The following OR1J2 variants were observed in gnomAD, a reference collection of about 807,000 sequenced individuals.
The protein encoded by OR1J2 is olfactory receptor family 1 subfamily J member 2, also known as olfactory receptor 1J2.
For synonymous variants in OR1J2, 142 were observed against 99.7 expected (o/e 1.42, Z -2.52); for missense variants, 304 against 246.1 (o/e 1.24, Z -1.57).
chr9:122,496,906 T>C, the OR1J2 span, among the ~76,000 whole-genome samples: 1 of 152,138 alleles, frequency 6.6e-6, no homozygotes, highest in Non-Finnish European at 1.5e-5. Context: ...GCTTAGTGAT[T>C]TTGGGGCCAC....
At chr9:122,452,660 A>G in the OR1J2 span, among the ~76,000 whole-genome samples, 3,499 of 152,184 alleles carry the variant, frequency 0.023, 65 homozygotes, top group Non-Finnish European at 0.032. Context: ...ATGAAATCCC[A>G]TGGGGATTGG....
the OR1J2 span, among the ~76,000 whole-genome samples, chr9:122,462,610 G>A: frequency 6.6e-6 from 1 of 152,150 alleles, no homozygotes; most frequent in Non-Finnish European, 1.5e-5. Context: ...TTGTAGTGTT[G>A]GCTTGGTAGT....
the OR1J2 span, among the ~76,000 whole-genome samples, chr9:122,579,745 T>C: frequency 0.11 from 16,720 of 152,200 alleles, 1,113 homozygotes; most frequent in South Asian, 0.18. Flanking sequence ...TTAGTCAAGA[T>C]TTGTGTAGGG....
chr9:122,533,240 C>T, the OR1J2 span, among the ~76,000 whole-genome samples: 1 of 152,176 alleles, frequency 6.6e-6, no homozygotes, highest in Non-Finnish European at 1.5e-5. Context: ...AGATCCTGAA[C>T]TAACCTGTAA....
At chr9:122,538,240 C>T in the OR1J2 span, among the ~76,000 whole-genome samples, 1 of 152,066 alleles carries the variant, frequency 6.6e-6, no homozygotes, top group African/African-American at 2.4e-5. Flanking sequence ...GAGGACCCAC[C>T]CTGACTGCCT....
At chr9:122,501,039 AG>A in the OR1J2 span, among the ~76,000 whole-genome samples, 1 of 152,206 alleles carries the variant, frequency 6.6e-6, no homozygotes, top group East Asian at 1.9e-4. Context: ...ATATATAGGC[AG>A]GTTTACAGTT....
At chr9:122,577,410 C>T in the OR1J2 span, among the ~76,000 whole-genome samples, 16,762 of 152,052 alleles carry the variant, frequency 0.11, 1,177 homozygotes, top group East Asian at 0.27. Context: ...ATACAAAAAT[C>T]GTTGGGATAG....
At chr9:122,453,935 A>T in the OR1J2 span, among the ~76,000 whole-genome samples, 3 of 152,218 alleles carry the variant, frequency 2.0e-5, no homozygotes, top group African/African-American at 7.2e-5. Context: ...CAAAGGCAGG[A>T]ATCCTCTTAG....
At chr9:122,447,891 C>A in the OR1J2 span, among the ~76,000 whole-genome samples, 4 of 152,142 alleles carry the variant, frequency 2.6e-5, no homozygotes, top group African/African-American at 9.7e-5. Context: ...AATCTCAGCA[C>A]TTTGGAAGAC....
chr9:122,522,822 T>C, the OR1J2 span, among the ~76,000 whole-genome samples: 1,433 of 152,326 alleles, frequency 9.4e-3, 21 homozygotes, highest in African/African-American at 0.033. Flanking sequence ...ATTCTGATAG[T>C]GTAGCAACAG....
the OR1J2 span, chr9:122,519,598 G>A: frequency 6.2e-7 from 1 of 1,614,024 alleles, no homozygotes; most frequent in Non-Finnish European, 8.5e-7. Flanking sequence ...ATCCTCTCCT[G>A]TACCAATGCC....
chr9:122,520,707 T>A, the OR1J2 span, among the ~76,000 whole-genome samples: 3 of 152,228 alleles, frequency 2.0e-5, no homozygotes, highest in Non-Finnish European at 4.4e-5. Context: ...AGGTAATGAA[T>A]GAGAAGAACA....
At chr9:122,463,650 T>G in the OR1J2 span, among the ~76,000 whole-genome samples, 3 of 152,190 alleles carry the variant, frequency 2.0e-5, no homozygotes, top group Non-Finnish European at 2.9e-5. Context: ...CCTTTCCCCC[T>G]GAGATAGAGC....
the OR1J2 span, chr9:122,519,802 T>C: frequency 3.7e-6 from 6 of 1,614,198 alleles, no homozygotes; most frequent in Non-Finnish European, 5.1e-6. Context: ...TATGGCCACA[T>C]TGGGGTCACC....
the OR1J2 span, among the ~76,000 whole-genome samples, chr9:122,493,082 G>T: frequency 0.49 from 74,850 of 151,830 alleles, 18,751 homozygotes; most frequent in African/African-American, 0.55. Flanking sequence ...TTATCCTTTT[G>T]TTATGCTCTT....
chr9:122,523,473 G>A, the OR1J2 span, among the ~76,000 whole-genome samples: 1 of 152,140 alleles, frequency 6.6e-6, no homozygotes, highest in Non-Finnish European at 1.5e-5. Context: ...TAACCAACGT[G>A]TGAGATGGTT....
the OR1J2 span, among the ~76,000 whole-genome samples, chr9:122,542,119 A>G: frequency 6.6e-6 from 1 of 152,302 alleles, no homozygotes; most frequent in East Asian, 1.9e-4. Context: ...TTAGCTCAAC[A>G]TTACATCTGT....
the OR1J2 span, among the ~76,000 whole-genome samples, chr9:122,480,971 T>G: frequency 6.6e-5 from 10 of 151,998 alleles, no homozygotes; most frequent in Non-Finnish European, 1.3e-4. Context: ...ATTTTTGTAC[T>G]TTTTAATAGA....
chr9:122,449,661 G>C, the OR1J2 span, among the ~76,000 whole-genome samples: 1 of 152,084 alleles, frequency 6.6e-6, no homozygotes, highest in Non-Finnish European at 1.5e-5. Context: ...GAGCCACCGC[G>C]CCCGGCCTAT....
Sources: gnomAD v4.1 joint callset for allele counts (sites outside exome capture counted in the v4.1 genomes callset) on GRCh38, gnomAD v4.1.1 for gene constraint, MANE v1.5 for transcripts, NCBI Gene and HGNC (gene_info 2026-07-23, HGNC 2026-07-21) for gene names.